ANXA4: variants seen among roughly 807,000 people sequenced by gnomAD.
ANXA4 encodes the protein annexin A4.
A neutral mutation model predicts 49.8 loss-of-function variants in ANXA4; 39 were observed. The observed-to-expected ratio is 0.78, with a 90% confidence interval of 0.61 to 1.02. The LOEUF (loss-of-function observed/expected upper bound fraction) is 1.02, where lower values mean the gene tolerates loss of function less well. ANXA4 is among the 50% of genes least tolerant of loss of function. ANXA4 has a pLI of 0.00. For synonymous variants in ANXA4, 134 were observed against 152.5 expected (o/e 0.88, Z 0.89); for missense variants, 360 against 410.1 (o/e 0.88, Z 1.05).
At chr2:69,677,373 G>C (rs1677448241) in intron 2 of ANXA4, among the ~76,000 whole-genome samples, 1 of 152,026 alleles carries the variant, frequency 6.6e-6, no homozygotes, top group Non-Finnish European at 1.5e-5. Flanking sequence ...GAGATGACAG[G>C]TGTGTGCCAC....
chr2:69,723,969 A>T (rs559053175), intron 3 of ANXA4, among the ~76,000 whole-genome samples: 1 of 152,350 alleles, frequency 6.6e-6, no homozygotes, highest in African/African-American at 2.4e-5. Flanking sequence ...AACTGTTGAA[A>T]TGGGGCCGGG....
At chr2:69,684,806 C>T (rs1341588591) in intron 2 of ANXA4, among the ~76,000 whole-genome samples, 1 of 151,942 alleles carries the variant, frequency 6.6e-6, no homozygotes, top group Non-Finnish European at 1.5e-5. Context: ...TTCTAACTTT[C>T]GGGACAAGGA....
chr2:69,662,986 C>CCTTTT (rs1676778994), intron 2 of ANXA4, among the ~76,000 whole-genome samples: 1 of 132,692 alleles, frequency 7.5e-6, no homozygotes, highest in African/African-American at 2.7e-5. Flanking sequence ...CCTGGTTTTT[C>CCTTTT]TTTTTCTTTT....
chr2:69,663,636 C>A (rs1436480726), intron 2 of ANXA4, among the ~76,000 whole-genome samples: 1 of 151,926 alleles, frequency 6.6e-6, no homozygotes, highest in African/African-American at 2.4e-5. Flanking sequence ...CCACTGCACT[C>A]TAGCCTGGGT....
At chr2:69,725,599 A>G (rs1669942762) in intron 3 of ANXA4, among the ~76,000 whole-genome samples, 1 of 152,162 alleles carries the variant, frequency 6.6e-6, no homozygotes, top group Admixed American at 6.5e-5. Flanking sequence ...GAACACTTCC[A>G]TCACGCTGGT....
At chr2:69,683,074 A>G (rs1326534105) in intron 2 of ANXA4, among the ~76,000 whole-genome samples, 1 of 152,236 alleles carries the variant, frequency 6.6e-6, no homozygotes, top group Non-Finnish European at 1.5e-5. Context: ...AAGTGTTTAT[A>G]CACACAGAGA....
intron 1 of ANXA4, among the ~76,000 whole-genome samples, chr2:69,753,284 AAACC>A (rs954205394): frequency 5.9e-5 from 9 of 152,130 alleles, no homozygotes; most frequent in South Asian, 4.1e-4. Context: ...TGGGGTCTGA[AAACC>A]ACTTGCATAA....
At chr2:69,759,392 T>C (rs983498158) in intron 1 of ANXA4, among the ~76,000 whole-genome samples, 16 of 152,174 alleles carry the variant, frequency 1.1e-4, no homozygotes, top group South Asian at 2.1e-4. Flanking sequence ...AAAAATGTCC[T>C]TTACAGTGTT....
At chr2:69,743,047 C>G (rs750276239) in intron 1 of ANXA4, among the ~76,000 whole-genome samples, 7 of 152,164 alleles carry the variant, frequency 4.6e-5, no homozygotes, top group Admixed American at 1.3e-4. Flanking sequence ...AGGTCTCACT[C>G]CTGTAGCCCA....
At chr2:69,702,882 C>T (rs1235475737) in intron 2 of ANXA4, among the ~76,000 whole-genome samples, 1 of 152,156 alleles carries the variant, frequency 6.6e-6, no homozygotes, top group African/African-American at 2.4e-5. Context: ...AAACATCAGT[C>T]ATTTTCTATA....
At chr2:69,678,984 C>T (rs1001007712) in intron 2 of ANXA4, among the ~76,000 whole-genome samples, 5 of 152,106 alleles carry the variant, frequency 3.3e-5, no homozygotes, top group Non-Finnish European at 5.9e-5. Context: ...TATTGTTTTA[C>T]ATGAGCTGTT....
At chr2:69,740,637 GTTTTC>G (rs1265484234), upstream of ANXA4, among the ~76,000 whole-genome samples, 515 of 105,152 alleles carry the variant, frequency 4.9e-3, 3 homozygotes, top group African/African-American at 0.018. Context: ...TTTATTTTTT[GTTTTC>G]TTTTCTTTTT....
intron 1 of ANXA4, among the ~76,000 whole-genome samples, chr2:69,650,596 G>A (rs1225000791): frequency 6.6e-6 from 1 of 152,000 alleles, no homozygotes; most frequent in Non-Finnish European, 1.5e-5. Context: ...TATAACTGGT[G>A]CACAGCACCA....
At chr2:69,811,660 A>C (rs3771537) in intron 7 of ANXA4, among the ~76,000 whole-genome samples, 78,324 of 151,958 alleles carry the variant, frequency 0.52, 20,764 homozygotes, top group East Asian at 0.67. Context: ...ATTCTACTAT[A>C]CCCTTAATGA....
chr2:69,753,094 C>T (rs371899418), intron 1 of ANXA4, among the ~76,000 whole-genome samples: 6 of 152,144 alleles, frequency 3.9e-5, no homozygotes, highest in African/African-American at 7.2e-5. Context: ...TCTCACATGC[C>T]GCTTTGTCTT....
intron 2 of ANXA4, among the ~76,000 whole-genome samples, chr2:69,682,198 T>G (rs916732960): frequency 6.6e-6 from 1 of 152,178 alleles, no homozygotes; most frequent in African/African-American, 2.4e-5. Flanking sequence ...GATCATTTAT[T>G]TGAAATCTTC....
At chr2:69,749,197 T>C (rs1670742546) in intron 1 of ANXA4, among the ~76,000 whole-genome samples, 2 of 152,316 alleles carry the variant, frequency 1.3e-5, no homozygotes, top group Non-Finnish European at 2.9e-5. Flanking sequence ...TGACAGACTT[T>C]TGTCTTTCCT....
intron 3 of ANXA4, among the ~76,000 whole-genome samples, chr2:69,721,616 T>C: frequency 6.6e-6 from 1 of 152,070 alleles, no homozygotes; most frequent in Non-Finnish European, 1.5e-5. Context: ...TGAGGATTGC[T>C]TGAGCCTGGG....
intron 2 of ANXA4, among the ~76,000 whole-genome samples, chr2:69,712,050 G>C (rs1388916384): frequency 2.0e-5 from 3 of 151,586 alleles, no homozygotes; most frequent in Non-Finnish European, 4.4e-5. Context: ...TCATTCTCTT[G>C]GTCTCTCCTT....
Sources: allele counts gnomAD v4.1 joint callset (sites outside exome capture counted in the v4.1 genomes callset), GRCh38; gene constraint gnomAD v4.1.1; transcripts MANE v1.5; gene names NCBI Gene and HGNC (gene_info 2026-07-23, HGNC 2026-07-21).